The following TRAPPC10 variants were observed in gnomAD, a reference collection of about 807,000 sequenced individuals.
The protein encoded by TRAPPC10 is TRAPP 130 kDa subunit.
In TRAPPC10, 23 loss-of-function variants were observed where a neutral mutation model predicts 125.5. That is an observed-to-expected ratio of 0.18 (90% CI 0.13 to 0.26). The LOEUF (loss-of-function observed/expected upper bound fraction) is 0.26, where lower values mean the gene tolerates loss of function less well. Among genes scored for constraint, TRAPPC10 ranks in the 10% least tolerant of loss-of-function variants. The pLI is 1.00. For missense variants in TRAPPC10, 1,123 were observed against 1,308.4 expected, an observed-to-expected ratio of 0.86 and a Z score of 2.19; for synonymous variants, 509 against 518.0, an observed-to-expected ratio of 0.98 and a Z score of 0.24.
intron 15 of TRAPPC10, among the ~76,000 whole-genome samples, chr21:44,085,053 G>A (rs1223683605): frequency 1.3e-5 from 2 of 152,124 alleles, no homozygotes; most frequent in African/African-American, 4.8e-5. Context: ...AGGCATGATC[G>A]ATTACACCAC....
chr21:44,083,349 G>T, intron 14 of TRAPPC10, 47 bp downstream of exon 14: 1 of 1,582,370 alleles, frequency 6.3e-7, no homozygotes, highest in South Asian at 1.1e-5. Flanking sequence ...GTAAAGCAGG[G>T]CCGTGGAGCT....
Position 44,083,102 on chromosome 21 carries a change from T to G in TRAPPC10, c.2038T>G (p.Phe680Val), listed in dbSNP as rs747460039. Residue 680 changes from phenylalanine (F) to valine (V), a missense_variant, in exon 14 of 23, where the codon TTT becomes GTT. Coordinates refer to ENST00000291574, the MANE Select transcript of TRAPPC10 (RefSeq NM_003274.5). ...SLPALELYEMFERSPSDNSLN... is the reference protein window; with the variant it reads ...SLPALELYEMVERSPSDNSLN... The stretch of plus-strand genomic sequence containing the variant: ...GCCCGCGCTGGAGTTGTATGAAATG[T>G]TTGAGAGAAGCCCATCTGATAACTC... The G allele has an allele frequency of 8.7e-6, 14 of 1,614,118 alleles. No homozygotes were observed. The highest frequency in any genetic ancestry group is 1.2e-5 in the Non-Finnish European group (14 of 1,180,030).
intron 20 of TRAPPC10, among the ~76,000 whole-genome samples, chr21:44,094,710 G>A (rs2038810378): frequency 1.3e-5 from 2 of 152,188 alleles, no homozygotes; most frequent in South Asian, 4.1e-4. Context: ...ATTTGAGTGT[G>A]GAATGAAGAG....
rs1261216335 is a variant in TRAPPC10, at chr21:44,034,638, C to A, written c.149+2466C>A. 2.0e-5 allele frequency among the ~76,000 whole-genome samples: 3 copies of A among 152,276 alleles called. No homozygotes were observed. The East Asian group carries it at 5.8e-4, about 29-fold the overall frequency. ...GAAATGTGTTACCTTAGGGAAGATA[C>A]GTCCACCTGAAACCTCAGGATGTGT... On this transcript the variant is annotated intron_variant, in intron 2 of 22. Coordinates refer to ENST00000291574, the MANE Select transcript of TRAPPC10 (RefSeq NM_003274.5).
chr21:44,093,610 G>T (rs1363458735), intron 19 of TRAPPC10, among the ~76,000 whole-genome samples: 1 of 152,016 alleles, frequency 6.6e-6, no homozygotes, highest in East Asian at 1.9e-4. Flanking sequence ...TACAAAAAAT[G>T]AGCTGGGCAT....
intron 15 of TRAPPC10, among the ~76,000 whole-genome samples, chr21:44,085,635 AG>A (rs1307303953): frequency 6.6e-6 from 1 of 151,938 alleles, no homozygotes; most frequent in Admixed American, 6.5e-5. Flanking sequence ...TGAGCCCAGG[AG>A]TTTGAGGCCT....
chr21:44,055,577 C>CG, intron 4 of TRAPPC10, 121 bp from the exon 5 acceptor site: 67 of 591,610 alleles, frequency 1.1e-4, no homozygotes, highest in Non-Finnish European at 1.6e-4. Context: ...AACTCTGTCT[C>CG]AAAAAAAAAA....
At chr21:44,057,237 G>A (rs896938989) in intron 5 of TRAPPC10, among the ~76,000 whole-genome samples, 2 of 152,080 alleles carry the variant, frequency 1.3e-5, no homozygotes, top group African/African-American at 4.8e-5. Context: ...GAAAGTTTGG[G>A]ATATTGGTTG....
rs868046428 is a variant in TRAPPC10, at chr21:44,060,878, G to A, written c.790+1664G>A. On this transcript the variant is annotated intron_variant, in intron 6 of 22. Coordinates refer to ENST00000291574, the MANE Select transcript of TRAPPC10 (RefSeq NM_003274.5). ...GGCTTCCCAAAGTGCTGGGATTATA[G>A]TTGTGAGCCACCATGCCCAGCCTAT... 5.3e-5 allele frequency among the ~76,000 whole-genome samples: 8 copies of A among 150,502 alleles called. No individual in the cohort carries two copies. In the South Asian group the frequency reaches 1.7e-3, roughly 32 times the overall value.
intron 15 of TRAPPC10, 58 bp downstream of exon 15, chr21:44,084,321 C>T: frequency 6.6e-7 from 1 of 1,525,172 alleles, no homozygotes; most frequent in Non-Finnish European, 8.9e-7. Context: ...CTGAGGAGAC[C>T]TGCTGAGATG....
chr21:44,056,879 A>G lies in TRAPPC10; in HGVS notation c.678+986A>G, dbSNP rs184030316. ...TTAGGTTAATTTTCTGGTTGTGACA[A>G]TTGTACCACGGTCATATAAGATGGC... On this transcript the variant is annotated intron_variant, in intron 5 of 22. Coordinates refer to ENST00000291574, the MANE Select transcript of TRAPPC10 (RefSeq NM_003274.5). Among the ~76,000 whole-genome samples, 220 of 152,314 alleles carry G rather than the reference A, an allele frequency of 1.4e-3. 1 individual carries two copies. The highest frequency in any genetic ancestry group is 4.1e-3 in the Admixed American group (63 of 15,290).
chr21:44,074,815 G>T (rs1024372140), intron 8 of TRAPPC10, among the ~76,000 whole-genome samples: 1 of 152,226 alleles, frequency 6.6e-6, no homozygotes, highest in African/African-American at 2.4e-5. Context: ...GCGTAGCCTG[G>T]GGAACTCAGG....
rs2032089253 is a variant in TRAPPC10, at chr21:44,018,193, A to G, written c.67+5633A>G. Among the ~76,000 whole-genome samples the G allele has an allele frequency of 1.3e-5, 2 of 151,830 alleles. 1 individual carries two copies. On this transcript the variant is annotated intron_variant, in intron 1 of 22. Transcript: ENST00000291574. ...GTGCTGATGAATCTCTGAAATAATC[A>G]AGTATGATACAGCTTGGGCAACATA...
At chr21:44,067,661 C>CGGCATG in intron 7 of TRAPPC10, among the ~76,000 whole-genome samples, 1 of 152,174 alleles carries the variant, frequency 6.6e-6, no homozygotes, top group Non-Finnish European at 1.5e-5. Flanking sequence ...CACGGGTCAT[C>CGGCATG]AGCACAGTGT....
At position 44,083,014 on chromosome 21, in the gene TRAPPC10, G is replaced by A. The variant is rs765541448; in HGVS notation, c.1950G>A (p.Thr650=). 8.1e-6 allele frequency: 13 copies of A among 1,614,026 alleles called. No homozygotes were observed. Among genetic ancestry groups the A allele is most frequent in the African/African-American group, 1.3e-5 (1 of 74,996 alleles). The change falls in exon 14 of 23, where the codon ACG becomes ACA. Residue 650 remains threonine (T), a synonymous_variant. Coordinates refer to ENST00000291574, the MANE Select transcript of TRAPPC10 (RefSeq NM_003274.5). ...CGGAGTGGCTTACCAAGCACAAGAC[G>A]TCCAATGGGATCATTAACTTTCCAC... ...KTAEWLTKHK[T]SNGIINFPPE...
intron 1 of TRAPPC10, among the ~76,000 whole-genome samples, chr21:44,014,034 G>A (rs1187666481): frequency 6.6e-6 from 1 of 152,238 alleles, no homozygotes; most frequent in Non-Finnish European, 1.5e-5. Context: ...TTCTCCTAAA[G>A]TGCTGTGCAC....
In TRAPPC10 at chr21:44,038,016, A is replaced by G. The variant is rs368053275; in HGVS notation, c.285+89A>G. ...GTGTGAGTACCAGTGGGGGAAGAGGACGCGTGGTGGGGTGGAGTTGGAGAT... is the reference window on the plus strand; with the variant it reads ...GTGTGAGTACCAGTGGGGGAAGAGGGCGCGTGGTGGGGTGGAGTTGGAGAT... On this transcript the variant is annotated intron_variant, in intron 3 of 22. Coordinates refer to ENST00000291574, the MANE Select transcript of TRAPPC10 (RefSeq NM_003274.5). 7.7e-5 allele frequency: 118 copies of G among 1,524,376 alleles called. 3 individuals are homozygous for G. The East Asian group carries it at 9.3e-4, about 12-fold the overall frequency. The allele number at this position is 1,524,376 out of a possible 1,614,324, so 94.4% of individuals were successfully genotyped here.
chr21:44,045,094 C>T (rs944113610), intron 3 of TRAPPC10, among the ~76,000 whole-genome samples: 1 of 152,138 alleles, frequency 6.6e-6, no homozygotes, highest in African/African-American at 2.4e-5. Context: ...ACCACCACAC[C>T]CAGCTCATTT....
At chr21:44,052,799 T>A (rs755121831) in intron 4 of TRAPPC10, among the ~76,000 whole-genome samples, 3 of 148,634 alleles carry the variant, frequency 2.0e-5, no homozygotes, top group Non-Finnish European at 4.5e-5. Flanking sequence ...AAGGTTTTTG[T>A]TTTTTTTTTG....
Sources: gnomAD v4.1 joint callset for allele counts (sites outside exome capture counted in the v4.1 genomes callset) on GRCh38, gnomAD v4.1.1 for gene constraint, MANE v1.5 for transcripts, NCBI Gene and HGNC (gene_info 2026-07-23, HGNC 2026-07-21) for gene names.